Variants in IQGAP2 observed in about 807,000 individuals in gnomAD.
IQGAP2 encodes ras GTPase-activating-like protein IQGAP2.
IQGAP2 carries 173 observed loss-of-function variants against 201.3 expected under a neutral mutation model. The ratio of observed to expected loss-of-function variants is 0.86; its 90% confidence interval spans 0.76 to 0.98. IQGAP2 has a LOEUF of 0.98. IQGAP2 is among the 50% of genes least tolerant of loss of function. IQGAP2 has a pLI of 0.00. For synonymous variants in IQGAP2, 675 were observed against 673.9 expected (o/e 1.00, Z -0.03); for missense variants, 1,687 against 1,864.8 (o/e 0.90, Z 1.76).
rs1412767856 is a variant in IQGAP2, at chr5:76,707,671, A to G, written c.*358A>G. ...CTATGAAAAAAATTTTAAATGTCCC[A>G]CTTGAATAACGTAATTCTTCATAGT... On this transcript the variant is annotated 3_prime_UTR_variant, in exon 36 of 36. Transcript: ENST00000274364. 1 of 169,960 alleles carries G rather than the reference A, an allele frequency of 5.9e-6. No homozygotes were observed. 10.5% of individuals were successfully genotyped at this position (169,960 alleles called of 1,614,324 possible). A position where few individuals can be genotyped will look rare whatever the true frequency, so the allele number is the denominator to read the frequency against.
intron 2 of IQGAP2, among the ~76,000 whole-genome samples, chr5:76,543,378 C>G (rs954457229): frequency 3.3e-5 from 5 of 152,166 alleles, no homozygotes; most frequent in African/African-American, 1.2e-4. Flanking sequence ...TTTCAGTGAT[C>G]AAGAGCCAGT....
chr5:76,629,242 A>G (rs1488678869), intron 14 of IQGAP2, among the ~76,000 whole-genome samples: 1 of 152,212 alleles, frequency 6.6e-6, no homozygotes, highest in African/African-American at 2.4e-5. Flanking sequence ...TCCAAAGTTA[A>G]TGCTACCTAT....
intron 2 of IQGAP2, among the ~76,000 whole-genome samples, chr5:76,496,807 CTCTT>C (rs1319351105): frequency 1.8e-4 from 20 of 113,674 alleles, no homozygotes; most frequent in South Asian, 1.1e-3. Flanking sequence ...TTCTTTCTTT[CTCTT>C]TCTTTCTTTC....
chr5:76,583,747 T>C (rs1746041809), intron 5 of IQGAP2, among the ~76,000 whole-genome samples: 1 of 152,364 alleles, frequency 6.6e-6, no homozygotes, highest in Non-Finnish European at 1.5e-5. Context: ...GAAATAGCTA[T>C]CTAACTTCTT....
chr5:76,414,542 C>T (rs1208800215), intron 1 of IQGAP2, among the ~76,000 whole-genome samples: 3 of 152,020 alleles, frequency 2.0e-5, no homozygotes, highest in Admixed American at 6.5e-5. Flanking sequence ...TATATAAGGC[C>T]GGATATGGTG....
chr5:76,557,500 A>G (rs904754471), intron 2 of IQGAP2, among the ~76,000 whole-genome samples: 1 of 152,252 alleles, frequency 6.6e-6, no homozygotes. Context: ...AAAAAGAGGT[A>G]TCTCCATTGA....
At chr5:76,465,624 A>G (rs2150129794) in intron 2 of IQGAP2, among the ~76,000 whole-genome samples, 1 of 152,338 alleles carries the variant, frequency 6.6e-6, no homozygotes, top group South Asian at 2.1e-4. Context: ...TAGAAAATCC[A>G]TAGGAATCTA....
intron 4 of IQGAP2, among the ~76,000 whole-genome samples, chr5:76,574,725 G>A (rs1745353991): frequency 6.6e-6 from 1 of 152,314 alleles, no homozygotes; most frequent in Admixed American, 6.5e-5. Flanking sequence ...AAGGAAAAGA[G>A]TGTGAAGGTG....
intron 4 of IQGAP2, among the ~76,000 whole-genome samples, chr5:76,573,796 T>A (rs570439386): frequency 4.3e-4 from 63 of 147,638 alleles, no homozygotes; most frequent in East Asian, 6.4e-4. Flanking sequence ...TTTTTTTTTT[T>A]AATTTTTAGT....
At chr5:76,542,676 G>T (rs1205060706) in intron 2 of IQGAP2, among the ~76,000 whole-genome samples, 1 of 152,184 alleles carries the variant, frequency 6.6e-6, no homozygotes, top group African/African-American at 2.4e-5. Context: ...TGAGGGACAG[G>T]TCTTATCAAC....
At chr5:76,671,452 G>A (rs1417762032) in intron 23 of IQGAP2, among the ~76,000 whole-genome samples, 1 of 151,904 alleles carries the variant, frequency 6.6e-6, no homozygotes, top group Non-Finnish European at 1.5e-5. Context: ...GGGAGGCCAA[G>A]GCAGGTGGAT....
intron 17 of IQGAP2, among the ~76,000 whole-genome samples, chr5:76,646,507 A>G (rs1327245857): frequency 6.6e-6 from 1 of 152,238 alleles, no homozygotes; most frequent in African/African-American, 2.4e-5. Context: ...GGATGATTTT[A>G]TATTCACATT....
At chr5:76,565,484 T>G (rs912128130) in intron 3 of IQGAP2, among the ~76,000 whole-genome samples, 2 of 152,148 alleles carry the variant, frequency 1.3e-5, no homozygotes, top group African/African-American at 4.8e-5. Context: ...AGTTCAACTT[T>G]CCAGTTATAA....
chr5:76,698,456 T>A (rs545484097), intron 33 of IQGAP2, among the ~76,000 whole-genome samples: 46 of 152,330 alleles, frequency 3.0e-4, no homozygotes, highest in African/African-American at 1.1e-3. Context: ...AAGATTTTTT[T>A]AAATACTATT....
chr5:76,676,321 C>G (rs1744820610), intron 27 of IQGAP2, among the ~76,000 whole-genome samples: 2 of 152,136 alleles, frequency 1.3e-5, no homozygotes, highest in Admixed American at 6.5e-5. Context: ...ACCAAAGCAG[C>G]ATAGGAAAGC....
intron 1 of IQGAP2, chr5:76,441,570 G>A (rs1192262246): frequency 1.0e-6 from 1 of 961,002 alleles, no homozygotes; most frequent in African/African-American, 1.8e-5. Context: ...CAGTGGCAGG[G>A]TTCGTGAATC....
At chr5:76,527,648 G>T (rs1218663418) in intron 2 of IQGAP2, among the ~76,000 whole-genome samples, 2 of 152,152 alleles carry the variant, frequency 1.3e-5, no homozygotes, top group Non-Finnish European at 2.9e-5. Flanking sequence ...GAAGGTATCA[G>T]GACTTTACAA....
chr5:76,575,845 G>A (rs1332479265), intron 5 of IQGAP2, 76 bp downstream of exon 5: 4 of 795,704 alleles, frequency 5.0e-6, no homozygotes, highest in Non-Finnish European at 7.8e-6. Flanking sequence ...TTTAAAAGAG[G>A]TTTTAAGTTA....
At chr5:76,597,696 G>C in intron 10 of IQGAP2, 94 bp downstream of exon 10, 3 of 1,312,060 alleles carry the variant, frequency 2.3e-6, no homozygotes, top group Non-Finnish European at 3.2e-6. Context: ...TAGGGATCGG[G>C]GATCTCTAAT....
Sources: gnomAD v4.1 joint callset for allele counts (sites outside exome capture counted in the v4.1 genomes callset) on GRCh38, gnomAD v4.1.1 for gene constraint, MANE v1.5 for transcripts, NCBI Gene and HGNC (gene_info 2026-07-23, HGNC 2026-07-21) for gene names.